Variants in STAMBP observed in about 807,000 individuals in gnomAD.
STAMBP encodes STAM-binding protein.
A neutral mutation model predicts 50.7 loss-of-function variants in STAMBP; 31 were observed. The observed-to-expected ratio is 0.61, with a 90% CI of 0.46 to 0.83. STAMBP has a LOEUF of 0.83. Ranked by LOEUF, STAMBP falls within the 40% of genes least tolerant of loss-of-function variation. The pLI, the probability that STAMBP is intolerant of heterozygous loss-of-function variation, is 0.00. For synonymous variants in STAMBP, 211 were observed against 192.4 expected, an observed-to-expected ratio of 1.10 and a Z score of -0.80; for missense variants, 472 against 518.9, an observed-to-expected ratio of 0.91 and a Z score of 0.88.
Position 73,830,835 on chromosome 2 carries a change from T to G in STAMBP, c.-12-10T>G. 1 of 1,609,796 alleles carries G rather than the reference T, an allele frequency of 6.2e-7. No homozygotes were observed. The highest frequency in any genetic ancestry group is 8.5e-7 in the Non-Finnish European group (1 of 1,178,296). ...AACGGTATTGATGCCATCTGTTTTTTCTGTCTCAGAACTTGGTCCTGATGT... is the reference window on the plus strand; with the variant it reads ...AACGGTATTGATGCCATCTGTTTTTGCTGTCTCAGAACTTGGTCCTGATGT... On this transcript the variant is annotated splice_polypyrimidine_tract_variant and intron_variant, in intron 1 of 9. Coordinates refer to ENST00000394070, the MANE Select transcript of STAMBP (RefSeq NM_213622.4).
Position 73,860,116 on chromosome 2 carries a change from T to G in STAMBP, c.1183T>G (p.Phe395Val). The G allele has an allele frequency of 1.2e-6, 2 of 1,613,964 alleles. No homozygotes were observed. Among genetic ancestry groups the G allele is most frequent in the Non-Finnish European group, 1.7e-6 (2 of 1,179,962 alleles). ...EEISSCRQKG[F>V]HPHSKDPPLF... ...GATTTCTTCCTGTCGCCAGAAAGGATTTCATCCACACAGCAAGGATCCACC... is the reference window on the plus strand; with the variant it reads ...GATTTCTTCCTGTCGCCAGAAAGGAGTTCATCCACACAGCAAGGATCCACC... Residue 395 changes from phenylalanine to valine, a missense_variant, in exon 9 of 10, where the codon TTT becomes GTT. Transcript: ENST00000394070.
intron 2 of STAMBP, among the ~76,000 whole-genome samples, chr2:73,834,286 T>A (rs1204895859): frequency 1.9e-4 from 18 of 93,254 alleles, no homozygotes; most frequent in African/African-American, 5.5e-4. Context: ...TATATATATA[T>A]AAAGTTTTTG....
chr2:73,845,129 G>T, intron 3 of STAMBP, 38 bp from the exon 4 acceptor site: 1 of 1,600,392 alleles, frequency 6.2e-7, no homozygotes, highest in Non-Finnish European at 8.5e-7. Context: ...GTAATTTTCT[G>T]GCATTGTTCT....
rs1370155633 is a variant in STAMBP, at chr2:73,830,990, G to A, written c.134G>A (p.Arg45Gln). ...RYFRSGVEII[R>Q]MASIYSEEGN... ...TTCCGCTCTGGAGTTGAGATTATCC[G>A]AATGGCATCCATTTACTCTGAGGAA... The change falls in exon 2 of 10, where the codon CGA (arginine) becomes CAA (glutamine). Residue 45 changes from arginine (R) to glutamine (Q), a missense_variant. Transcript: ENST00000394070. 1.2e-5 allele frequency: 19 copies of A among 1,614,048 alleles called. No homozygotes were observed. The highest frequency in any genetic ancestry group is 2.2e-5 in the East Asian group (1 of 44,892).
intron 2 of STAMBP, among the ~76,000 whole-genome samples, chr2:73,840,620 T>G (rs1249267743): frequency 6.6e-6 from 1 of 151,670 alleles, no homozygotes; most frequent in Admixed American, 6.6e-5. Flanking sequence ...AGCAGGTGCC[T>G]CTAATCGCAG....
downstream of STAMBP, among the ~76,000 whole-genome samples, chr2:73,871,664 C>G (rs951352736): frequency 6.6e-6 from 1 of 152,108 alleles, no homozygotes; most frequent in Non-Finnish European, 1.5e-5. Context: ...TTATTCATCT[C>G]TAGGCTCTTC....
chr2:73,849,300 G>A (rs1676507513), intron 5 of STAMBP, 63 bp from the exon 6 acceptor site: 11 of 1,609,874 alleles, frequency 6.8e-6, no homozygotes, highest in Non-Finnish European at 9.3e-6. Flanking sequence ...GCTGCTGGCT[G>A]TGAGGTCTGC....
chr2:73,845,231 C>G lies in STAMBP; in HGVS notation c.344C>G (p.Thr115Ser). ...ELKAELLKRY[T>S]KEYTEYNEEK... The stretch of plus-strand genomic sequence containing the variant: ...AAGGCAGAGCTGTTAAAACGATATA[C>G]CAAAGAATATACAGAATATAATGAA... Residue 115 changes from threonine (T) to serine (S), a missense_variant, in exon 4 of 10, where the codon ACC (threonine) becomes AGC (serine). Coordinates refer to ENST00000394070, the MANE Select transcript of STAMBP (RefSeq NM_213622.4). 6.2e-7 allele frequency: 1 copy of G among 1,613,514 alleles called. No homozygotes were observed. Among genetic ancestry groups the G allele is most frequent in the Non-Finnish European group, 8.5e-7 (1 of 1,179,528 alleles).
chr2:73,843,408 A>G (rs113117599), intron 2 of STAMBP, among the ~76,000 whole-genome samples: 8,547 of 131,026 alleles, frequency 0.065, 597 homozygotes, highest in African/African-American at 0.16. Flanking sequence ...TTGTGTATGT[A>G]TATATATATA....
intron 2 of STAMBP, among the ~76,000 whole-genome samples, chr2:73,838,787 G>A (rs372176308): frequency 3.3e-5 from 5 of 152,198 alleles, no homozygotes; most frequent in African/African-American, 9.7e-5. Flanking sequence ...TACTTGATTT[G>A]TGGGATTTAG....
chr2:73,859,175 C>T, intron 7 of STAMBP, 79 bp from the exon 8 acceptor site: 1 of 1,152,912 alleles, frequency 8.7e-7, no homozygotes, highest in Non-Finnish European at 1.3e-6. Flanking sequence ...AGCTTTAAAC[C>T]TCAGAAAGGG....
In STAMBP at chr2:73,854,678, C is replaced by T. The variant is rs550424605; in HGVS notation, c.1005+4165C>T. Reference sequence around the variant, plus strand: ...TTTCCTCCATATTTCTGCACCATTCCTTCCTAATTCGGGATTAAAAACAAA... The same window carrying T: ...TTTCCTCCATATTTCTGCACCATTCTTTCCTAATTCGGGATTAAAAACAAA... On this transcript the variant is annotated intron_variant, in intron 7 of 9. Transcript: ENST00000394070. Among the ~76,000 whole-genome samples, 5 of 152,216 alleles carry T rather than the reference C, an allele frequency of 3.3e-5. No homozygotes were observed. In the East Asian group the frequency reaches 9.7e-4, roughly 29 times the overall value.
At chr2:73,843,435 A>ATATATATATATATATATAT (rs1675690342) in intron 2 of STAMBP, among the ~76,000 whole-genome samples, 2 of 132,234 alleles carry the variant, frequency 1.5e-5, no homozygotes, top group African/African-American at 7.1e-5. Context: ...TATATATATA[A>ATATATATATATATATATAT]ATTAAAAAAT....
chr2:73,842,588 C>G (rs191179322), intron 2 of STAMBP, among the ~76,000 whole-genome samples: 17 of 152,214 alleles, frequency 1.1e-4, no homozygotes, highest in Admixed American at 9.8e-4. Context: ...GTGTTTTGGT[C>G]TGTATTTAGA....
In STAMBP at chr2:73,866,339, T is replaced by C. The variant is rs1319738015; in HGVS notation, c.*4080T>C. On this transcript the variant is annotated 3_prime_UTR_variant, in exon 10 of 10. Coordinates refer to ENST00000394070, the MANE Select transcript of STAMBP (RefSeq NM_213622.4). ...TCCTTCCTTGAACTCCAGTGGCAAC[T>C]ATAGTCTGTTTCCCACAATTTGTTG... 6.6e-6 allele frequency: 1 copy of C among 152,214 alleles called. No individual in the cohort carries two copies. The highest frequency in any genetic ancestry group is 1.5e-5 in the Non-Finnish European group (1 of 68,032). 9.4% of individuals were successfully genotyped at this position (152,214 alleles called of 1,614,324 possible).
At chr2:73,871,355 C>G (rs1309459230), downstream of STAMBP, among the ~76,000 whole-genome samples, 1 of 151,858 alleles carries the variant, frequency 6.6e-6, no homozygotes, top group Non-Finnish European at 1.5e-5. Context: ...ACCAGCCTGT[C>G]CAACATAGTG....
intron 2 of STAMBP, among the ~76,000 whole-genome samples, chr2:73,843,540 A>T (rs369863204): frequency 1.3e-3 from 195 of 151,888 alleles, no homozygotes; most frequent in African/African-American, 4.6e-3. Context: ...AAGTGCTGGG[A>T]TTACAGGCAT....
chr2:73,850,345 A>G lies in STAMBP; in HGVS notation c.868-31A>G. The G allele has an allele frequency of 1.3e-6, 2 of 1,589,530 alleles. No individual in the cohort carries two copies. The highest frequency in any genetic ancestry group is 1.7e-6 in the Non-Finnish European group (2 of 1,167,120). ...GAGCAGGGTTGCATGAGCACCAGGGAATTGTGACCAGCTGTTTTCTCCTTT... is the reference window on the plus strand; with the variant it reads ...GAGCAGGGTTGCATGAGCACCAGGGGATTGTGACCAGCTGTTTTCTCCTTT... On this transcript the variant is annotated intron_variant, in intron 6 of 9. Coordinates refer to ENST00000394070, the MANE Select transcript of STAMBP (RefSeq NM_213622.4). This position sits in a 1 kb window ranked among gnomAD's most constrained non-coding sequence, Gnocchi z 4.3.
downstream of STAMBP, among the ~76,000 whole-genome samples, chr2:73,869,414 TGAGA>T (rs1454736434): frequency 2.0e-5 from 3 of 152,236 alleles, no homozygotes; most frequent in East Asian, 5.8e-4. Flanking sequence ...CGGTATTCTA[TGAGA>T]GAAAGACAAT....
Sources: allele counts gnomAD v4.1 joint callset (sites outside exome capture counted in the v4.1 genomes callset), GRCh38; gene constraint gnomAD v4.1.1; non-coding constraint Gnocchi (gnomAD v3.1); transcripts MANE v1.5; gene names NCBI Gene and HGNC (gene_info 2026-07-23, HGNC 2026-07-21).